YARS1: variants seen among roughly 807,000 people sequenced by gnomAD.
YARS1 encodes the protein tyrosine--tRNA ligase, cytoplasmic.
A neutral mutation model predicts 62.2 loss-of-function variants in YARS1; 36 were observed. That is an observed-to-expected ratio of 0.58 (90% CI 0.44 to 0.76). The LOEUF is 0.76. Among genes scored for constraint, YARS1 ranks in the 30% least tolerant of loss-of-function variants. The pLI is 0.00. For synonymous variants in YARS1, 234 were observed against 244.9 expected, an observed-to-expected ratio of 0.96 and a Z score of 0.42; for missense variants, 524 against 639.8, an observed-to-expected ratio of 0.82 and a Z score of 1.95.
intron 8 of YARS1, among the ~76,000 whole-genome samples, chr1:32,785,729 C>T (rs530042346): frequency 6.6e-6 from 1 of 151,456 alleles, no homozygotes; most frequent in Admixed American, 6.6e-5. Flanking sequence ...ATTACAGGTG[C>T]GTGCCACCAT....
chr1:32,816,108 CAAA>C lies in YARS1; in HGVS notation c.57+1077_57+1079del, dbSNP rs71571726. On this transcript the variant is annotated intron_variant, in intron 1 of 12. Coordinates refer to ENST00000373477, the MANE Select transcript of YARS1 (RefSeq NM_003680.4). Reference sequence around the variant, plus strand: ...TGGGCGACAGAGCGAGACTCCGCCTCAAAAAAAAAAAAAAAAAAAAAGATAGTG... The same window carrying C: ...TGGGCGACAGAGCGAGACTCCGCCTCAAAAAAAAAAAAAAAAAAGATAGTG... 5.5e-5 allele frequency among the ~76,000 whole-genome samples: 3 copies of C among 54,102 alleles called. No individual in the cohort carries two copies. In the South Asian group the frequency reaches 2.1e-3, roughly 37 times the overall value. 35.5% of individuals were successfully genotyped at this position (54,102 alleles called of 152,430 possible).
In YARS1 at chr1:32,775,720, G is replaced by A. The variant is rs575566299; in HGVS notation, c.*261C>T. ...GTTATATTGAAACCAGATTTCTCCA[G>A]CTGCCAAGGGAAGAAGGTAGGGCTG... On this transcript the variant is annotated 3_prime_UTR_variant, in exon 13 of 13. Transcript: ENST00000373477. 74 of 550,176 alleles carry A rather than the reference G, an allele frequency of 1.3e-4. No individual in the cohort carries two copies. Among genetic ancestry groups the A allele is most frequent in the Non-Finnish European group, 2.2e-4 (68 of 307,068 alleles). The allele number at this position is 550,176 out of a possible 1,614,324, so 34.1% of individuals were successfully genotyped here.
chr1:32,810,493 A>C (rs998278170), intron 3 of YARS1, 98 bp downstream of exon 3: 5 of 1,502,190 alleles, frequency 3.3e-6, no homozygotes, highest in Non-Finnish European at 4.6e-6. Context: ...CACGCCAGAC[A>C]GCTTCTAATC....
chr1:32,791,522 C>T lies in YARS1; in HGVS notation c.592-268G>A, dbSNP rs139561991. On this transcript the variant is annotated intron_variant, in intron 5 of 12. Coordinates refer to ENST00000373477, the MANE Select transcript of YARS1 (RefSeq NM_003680.4). Reference sequence around the variant, plus strand: ...GAAATACATAAAACAACAGGGCAAGCCGGGCATGGTGGCTCACACCTGTAA... The same window carrying T: ...GAAATACATAAAACAACAGGGCAAGTCGGGCATGGTGGCTCACACCTGTAA... Among the ~76,000 whole-genome samples, 3,418 of 152,194 alleles carry T rather than the reference C, an allele frequency of 0.022. 59 individuals carry two copies. Among genetic ancestry groups the T allele is most frequent in the Non-Finnish European group, 0.036 (2,446 of 68,010 alleles).
At chr1:32,793,037 G>C (rs1226926497) in intron 5 of YARS1, among the ~76,000 whole-genome samples, 3 of 151,942 alleles carry the variant, frequency 2.0e-5, no homozygotes, top group Non-Finnish European at 1.5e-5. Flanking sequence ...TCTATAAAAA[G>C]AATCAAATGG....
At chr1:32,786,072 TGAGAA>T (rs1653217153) in intron 8 of YARS1, among the ~76,000 whole-genome samples, 1 of 152,080 alleles carries the variant, frequency 6.6e-6, no homozygotes, top group Non-Finnish European at 1.5e-5. Context: ...AAATGTTTCC[TGAGAA>T]GAGGTGAGAC....
At chr1:32,783,840 GTTC>G (rs1457569226) in intron 8 of YARS1, 4 of 152,168 alleles carry the variant, frequency 2.6e-5, no homozygotes. Flanking sequence ...CTGAAATTCA[GTTC>G]TTCAACTGCA....
intron 12 of YARS1, 22 bp downstream of exon 12, chr1:32,779,359 AG>A: frequency 6.2e-7 from 1 of 1,614,196 alleles, no homozygotes; most frequent in Non-Finnish European, 8.5e-7. Flanking sequence ...CAGCCAAGAA[AG>A]GGAACAATTA....
intron 7 of YARS1, 51 bp from the exon 8 acceptor site, chr1:32,786,498 T>TCACATGCATGACTATTCCTAGCC (rs149745059): frequency 1.4e-6 from 2 of 1,478,980 alleles, no homozygotes; most frequent in Middle Eastern, 1.7e-4. Flanking sequence ...CATTCCTAGC[T>TCACATGCATGACTATTCCTAGCC]CACATGCATG....
At chr1:32,812,829 A>G (rs1638614387) in intron 1 of YARS1, among the ~76,000 whole-genome samples, 1 of 151,982 alleles carries the variant, frequency 6.6e-6, no homozygotes, top group Non-Finnish European at 1.5e-5. Context: ...TTAGCAGGGC[A>G]TGGTGGCAGG....
chr1:32,801,079 T>G (rs1286019652), intron 4 of YARS1, among the ~76,000 whole-genome samples: 1 of 152,148 alleles, frequency 6.6e-6, no homozygotes, highest in Non-Finnish European at 1.5e-5. Context: ...ATGTATGAGA[T>G]GAACAATGTC....
At chr1:32,794,346 T>C (rs1311286213) in intron 5 of YARS1, among the ~76,000 whole-genome samples, 1 of 152,010 alleles carries the variant, frequency 6.6e-6, no homozygotes, top group African/African-American at 2.4e-5. Context: ...GGAGACTCAG[T>C]CTCAGAAAAA....
chr1:32,790,246 C>T (rs1177622037), intron 6 of YARS1, among the ~76,000 whole-genome samples: 2 of 143,058 alleles, frequency 1.4e-5, no homozygotes, highest in Non-Finnish European at 3.0e-5. Context: ...CAGTGGCTCA[C>T]GCCTATAATC....
At chr1:32,805,900 T>C (rs1256032529) in intron 4 of YARS1, among the ~76,000 whole-genome samples, 1 of 152,198 alleles carries the variant, frequency 6.6e-6, no homozygotes. Context: ...AGGCGGAGGT[T>C]GCAGTGAGCC....
chr1:32,788,883 G>A (rs1653324665), intron 6 of YARS1, among the ~76,000 whole-genome samples: 1 of 152,252 alleles, frequency 6.6e-6, no homozygotes, highest in African/African-American at 2.4e-5. Context: ...GGAGTGTGGT[G>A]GCACAATCAT....
At chr1:32,799,540 T>G (rs905133789) in intron 4 of YARS1, among the ~76,000 whole-genome samples, 1 of 151,992 alleles carries the variant, frequency 6.6e-6, no homozygotes, top group African/African-American at 2.4e-5. Flanking sequence ...AAAAGTAGAA[T>G]CGATAAGATT....
At chr1:32,789,786 CACCA>C (rs1653354392) in intron 6 of YARS1, among the ~76,000 whole-genome samples, 1 of 151,384 alleles carries the variant, frequency 6.6e-6, no homozygotes, top group African/African-American at 2.4e-5. Flanking sequence ...GAAGGGGTTT[CACCA>C]TGTTGGCCAG....
At position 32,786,958 on chromosome 1, in the gene YARS1, G is replaced by A; in HGVS notation, c.802C>T (p.Leu268Phe). 2 of 1,614,064 alleles carry A rather than the reference G, an allele frequency of 1.2e-6. No individual in the cohort carries two copies. The highest frequency in any genetic ancestry group is 1.3e-5 in the African/African-American group (1 of 75,008). The change falls in exon 7 of 13, where the codon CTT becomes TTT. Residue 268 changes from leucine to phenylalanine, a missense_variant. Transcript: ENST00000373477. ...GTGTTACCGGACTTAAGGGGAAAAA[G>A]GACATGCTTGATGAAGGACAGAACC... The part of the protein sequence containing the change: ...NGVLSFIKHV[L>F]FPLKSEFVIL...
intron 1 of YARS1, among the ~76,000 whole-genome samples, chr1:32,816,022 T>C (rs1324401009): frequency 7.0e-6 from 1 of 143,550 alleles, no homozygotes; most frequent in African/African-American, 2.6e-5. Context: ...GGCAGGAGAA[T>C]GGCGTGAACC....
Sources: allele counts gnomAD v4.1 joint callset (sites outside exome capture counted in the v4.1 genomes callset), GRCh38; gene constraint gnomAD v4.1.1; transcripts MANE v1.5; gene names NCBI Gene and HGNC (gene_info 2026-07-23, HGNC 2026-07-21).